Variants in NLGN1 observed in about 807,000 individuals in gnomAD.
NLGN1 encodes the protein neuroligin-1.
A neutral mutation model predicts 65.5 loss-of-function variants in NLGN1; 12 were observed. The observed-to-expected ratio is 0.18, with a 90% CI of 0.12 to 0.30. The LOEUF (loss-of-function observed/expected upper bound fraction) is 0.30. NLGN1 is among the 10% of genes least tolerant of loss of function. The probability of loss-of-function intolerance (pLI) is 1.00; values close to 1 mark genes in which losing one functional copy is unlikely to be tolerated. For missense variants in NLGN1, 750 were observed against 1,007.1 expected, an observed-to-expected ratio of 0.74 and a Z score of 3.46; for synonymous variants, 350 against 359.5, an observed-to-expected ratio of 0.97 and a Z score of 0.30.
chr3:173,653,148 G>A (rs138806432), intron 3 of NLGN1, among the ~76,000 whole-genome samples: 106 of 152,180 alleles, frequency 7.0e-4, no homozygotes, highest in African/African-American at 2.3e-3. Context: ...TTGCAAAGTC[G>A]TTAGGGTTTT....
In NLGN1 at chr3:174,063,803, C is replaced by T. The variant is rs1315842395; in HGVS notation, c.647-211512C>T. 2.6e-5 allele frequency among the ~76,000 whole-genome samples: 4 copies of T among 152,130 alleles called. No individual in the cohort carries two copies. The East Asian group carries it at 7.7e-4, about 29-fold the overall frequency. On this transcript the variant is annotated intron_variant, in intron 4 of 6. Transcript: ENST00000457714. Reference sequence around the variant, plus strand: ...ATTTGTAGGCATGTATTGCATTAGTCTTTTAACCTTAGTATGGTTTTGAAA... The same window carrying T: ...ATTTGTAGGCATGTATTGCATTAGTTTTTTAACCTTAGTATGGTTTTGAAA...
chr3:173,940,130 C>T (rs112817268), intron 4 of NLGN1, among the ~76,000 whole-genome samples: 2,527 of 122,622 alleles, frequency 0.021, 81 homozygotes, highest in African/African-American at 0.076. Context: ...CTCTTGTTGC[C>T]GAGGCTGGAG....
intron 3 of NLGN1, among the ~76,000 whole-genome samples, chr3:173,748,338 G>A (rs574649683): frequency 6.6e-6 from 1 of 152,116 alleles, no homozygotes; most frequent in Non-Finnish European, 1.5e-5. Flanking sequence ...TGAACACATA[G>A]GGGCAGAGGA....
At chr3:173,965,346 C>T (rs1714593500) in intron 4 of NLGN1, among the ~76,000 whole-genome samples, 1 of 151,972 alleles carries the variant, frequency 6.6e-6, no homozygotes, top group Non-Finnish European at 1.5e-5. Flanking sequence ...GAGACAGAGT[C>T]TCACCCCATC....
chr3:173,753,944 AATAATATAAT>A (rs151125850), intron 3 of NLGN1, among the ~76,000 whole-genome samples: 13 of 116,696 alleles, frequency 1.1e-4, no homozygotes, highest in African/African-American at 2.7e-4. Context: ...ATAATATAAT[AATAATATAAT>A]ATAATATAAT....
rs1390091017 is a variant in NLGN1, at chr3:174,275,532, TA to T, written c.859+6del. On this transcript the variant is annotated splice_donor_region_variant and intron_variant, in intron 5 of 6. Transcript: ENST00000457714. ...GTTGGAGCAATTCAACCAAAGGTAT[TA>T]TGCAAGGTTGCAAATTTTGACAATT... is the stretch of plus-strand genomic sequence containing the variant. 3 of 1,608,916 alleles carry T rather than the reference TA, an allele frequency of 1.9e-6. No homozygotes were observed. Among genetic ancestry groups the T allele is most frequent in the Non-Finnish European group, 2.6e-6 (3 of 1,176,406 alleles).
intron 4 of NLGN1, among the ~76,000 whole-genome samples, chr3:174,138,217 A>G (rs1561133246): frequency 6.6e-6 from 1 of 152,110 alleles, no homozygotes; most frequent in Non-Finnish European, 1.5e-5. Flanking sequence ...AGTTATTTGA[A>G]ATTTGGCATA....
intron 4 of NLGN1, among the ~76,000 whole-genome samples, chr3:174,088,764 ATAAAT>A (rs1447147682): frequency 2.4e-5 from 3 of 125,556 alleles, no homozygotes; most frequent in Non-Finnish European, 5.2e-5. Context: ...ATAAAAATAA[ATAAAT>A]AAATAAATAA....
chr3:174,216,455 A>G (rs550861416), intron 4 of NLGN1, among the ~76,000 whole-genome samples: 5 of 152,252 alleles, frequency 3.3e-5, no homozygotes, highest in African/African-American at 1.2e-4. Flanking sequence ...TGTACCATCA[A>G]CTATGCAAGG....
chr3:174,057,642 G>A (rs1009531965), intron 4 of NLGN1: 1 of 152,032 alleles, frequency 6.6e-6, no homozygotes, highest in Non-Finnish European at 1.5e-5. Context: ...TGTGGCCGTG[G>A]ATGGAAGGGC....
rs76059081 is a variant in NLGN1 at position 173,921,668 on chromosome 3, C to A, written c.646+113836C>A. On this transcript the variant is annotated intron_variant, in intron 4 of 6. Transcript: ENST00000457714. ...ATGAGTTCTTTGACTTCTCCCAAGT[C>A]GTACAGCTAATGAGTGTTAAAACTT... Among the ~76,000 whole-genome samples the A allele has an allele frequency of 9.7e-3, 1,474 of 152,186 alleles. 26 individuals are homozygous for A. Among genetic ancestry groups the A allele is most frequent in the African/African-American group, 0.034 (1,407 of 41,526 alleles).
intron 4 of NLGN1, among the ~76,000 whole-genome samples, chr3:173,988,623 A>G (rs191665170): frequency 3.3e-5 from 5 of 152,270 alleles, no homozygotes; most frequent in Non-Finnish European, 7.4e-5. Context: ...AAGAATTATT[A>G]ATAATGCCTC....
At chr3:173,720,277 G>C (rs985871240) in intron 3 of NLGN1, among the ~76,000 whole-genome samples, 4 of 152,054 alleles carry the variant, frequency 2.6e-5, no homozygotes, top group African/African-American at 9.7e-5. Flanking sequence ...TGAGGCGGGG[G>C]GTGCCGGCGG....
intron 4 of NLGN1, among the ~76,000 whole-genome samples, chr3:174,204,056 A>G (rs1312995933): frequency 6.6e-6 from 1 of 152,206 alleles, no homozygotes; most frequent in Non-Finnish European, 1.5e-5. Flanking sequence ...TATTAGACAT[A>G]AGAGACAACA....
chr3:173,638,863 TATTA>T (rs1445307410), intron 3 of NLGN1, among the ~76,000 whole-genome samples: 2 of 152,140 alleles, frequency 1.3e-5, no homozygotes, highest in African/African-American at 2.4e-5. Flanking sequence ...TAATTATAGG[TATTA>T]ATTGTTTCTG....
intron 4 of NLGN1, among the ~76,000 whole-genome samples, chr3:173,972,593 A>G (rs1716515995): frequency 6.6e-6 from 1 of 152,130 alleles, no homozygotes; most frequent in South Asian, 2.1e-4. Context: ...GAGAAAAGAT[A>G]ATGATAAAAT....
At chr3:173,651,924 T>C (rs191145101) in intron 3 of NLGN1, among the ~76,000 whole-genome samples, 4 of 151,860 alleles carry the variant, frequency 2.6e-5, no homozygotes, top group African/African-American at 9.7e-5. Context: ...TCCTGAGTAG[T>C]TGGGATTACA....
At chr3:173,709,957 A>G (rs1768692994) in intron 3 of NLGN1, among the ~76,000 whole-genome samples, 1 of 152,138 alleles carries the variant, frequency 6.6e-6, no homozygotes, top group African/African-American at 2.4e-5. Context: ...AAGGCTATAA[A>G]ATAGTCTTTA....
At position 173,430,849 on chromosome 3, in the gene NLGN1, C is replaced by G. The variant is rs137935937; in HGVS notation, c.-389-4161C>G. On this transcript the variant is annotated intron_variant, in intron 1 of 6. Transcript: ENST00000457714. ...GCTTTCTATCATGAGCAGAAACTTC[C>G]TGGCAGCACCAGAAGCAGATGCTGA... is the stretch of plus-strand genomic sequence containing the variant. 5.7e-3 allele frequency among the ~76,000 whole-genome samples: 875 copies of G among 152,326 alleles called. 5 individuals carry two copies. Among genetic ancestry groups the G allele is most frequent in the Non-Finnish European group, 9.4e-3 (639 of 68,034 alleles).
Sources: gnomAD v4.1 joint callset for allele counts (sites outside exome capture counted in the v4.1 genomes callset) on GRCh38, gnomAD v4.1.1 for gene constraint, MANE v1.5 for transcripts, NCBI Gene and HGNC (gene_info 2026-07-23, HGNC 2026-07-21) for gene names.